Variants in PPFIA2 observed in about 807,000 individuals in gnomAD.
PPFIA2 encodes liprin-alpha-2.
PPFIA2 carries 46 observed loss-of-function variants against 175.5 expected under a neutral mutation model. The observed-to-expected ratio is 0.26, with a 90% CI of 0.21 to 0.34. The LOEUF is 0.34. PPFIA2 is among the 10% of genes least tolerant of loss of function. The pLI is 1.00. For synonymous variants in PPFIA2, 568 were observed against 511.4 expected, an observed-to-expected ratio of 1.11 and a Z score of -1.49; for missense variants, 1,179 against 1,506.1, an observed-to-expected ratio of 0.78 and a Z score of 3.60.
At chr12:81,555,717 T>C (rs943870361) in intron 4 of PPFIA2, among the ~76,000 whole-genome samples, 3 of 151,936 alleles carry the variant, frequency 2.0e-5, no homozygotes, top group Non-Finnish European at 4.4e-5. Flanking sequence ...AGTAAATTAA[T>C]AGAGTTGAGA....
intron 4 of PPFIA2, among the ~76,000 whole-genome samples, chr12:81,549,887 TA>T (rs2067612984): frequency 6.6e-6 from 1 of 151,970 alleles, no homozygotes; most frequent in Non-Finnish European, 1.5e-5. Context: ...TATATGAAGC[TA>T]TTTTTTTAAT....
At chr12:81,478,276 A>T (rs766573202) in intron 4 of PPFIA2, among the ~76,000 whole-genome samples, 2 of 151,152 alleles carry the variant, frequency 1.3e-5, no homozygotes, top group Non-Finnish European at 1.5e-5. Context: ...CATTTTTTTT[A>T]TTGTGTCTAT....
intron 8 of PPFIA2, among the ~76,000 whole-genome samples, chr12:81,394,782 G>A (rs2040802214): frequency 6.7e-6 from 1 of 150,092 alleles, no homozygotes; most frequent in South Asian, 2.1e-4. Flanking sequence ...TAACAAACCT[G>A]CATATTCTGC....
chr12:81,473,640 C>T (rs1167343714), intron 4 of PPFIA2, among the ~76,000 whole-genome samples: 7 of 152,128 alleles, frequency 4.6e-5, no homozygotes, highest in Non-Finnish European at 8.8e-5. Context: ...TACTTAATAA[C>T]CCAAACTGGC....
intron 3 of PPFIA2, among the ~76,000 whole-genome samples, chr12:81,699,387 G>A (rs1367338248): frequency 6.6e-6 from 1 of 151,596 alleles, no homozygotes; most frequent in Non-Finnish European, 1.5e-5. Flanking sequence ...TACAATTTTT[G>A]CAGAGATATT....
chr12:81,611,504 A>G (rs2060904895), intron 4 of PPFIA2, among the ~76,000 whole-genome samples: 1 of 152,094 alleles, frequency 6.6e-6, no homozygotes. Flanking sequence ...TGCTGTCTGG[A>G]AAGTACTCAT....
At position 81,367,096 on chromosome 12, in the gene PPFIA2, T is replaced by C. The variant is rs1474019366; in HGVS notation, c.1545+12A>G. The C allele has an allele frequency of 2.0e-6, 3 of 1,465,842 alleles. No individual in the cohort carries two copies. Among genetic ancestry groups the C allele is most frequent in the Non-Finnish European group, 2.7e-6 (3 of 1,104,014 alleles). 90.8% of individuals were successfully genotyped at this position (1,465,842 alleles called of 1,614,324 possible). On this transcript the variant is annotated intron_variant, in intron 14 of 32. Coordinates refer to ENST00000549396, the MANE Select transcript of PPFIA2 (RefSeq NM_003625.5). ...ATAGAAAATGGGCCCAAAACATAAG[T>C]TTCCATTATACCTTATCATGTAAAG...
chr12:81,349,550 T>C (rs1168823682), intron 17 of PPFIA2, among the ~76,000 whole-genome samples: 2 of 152,104 alleles, frequency 1.3e-5, no homozygotes, highest in Non-Finnish European at 2.9e-5. Flanking sequence ...AAGAAAAAAC[T>C]ATCTTCACCC....
intron 28 of PPFIA2, among the ~76,000 whole-genome samples, chr12:81,269,783 A>G (rs2038522065): frequency 2.6e-5 from 4 of 152,182 alleles, no homozygotes; most frequent in African/African-American, 9.7e-5. Flanking sequence ...GCTTTAGCAA[A>G]TAGCAGTGGC....
intron 22 of PPFIA2, among the ~76,000 whole-genome samples, chr12:81,303,996 T>A (rs1317261147): frequency 6.6e-6 from 1 of 152,214 alleles, no homozygotes; most frequent in East Asian, 1.9e-4. Context: ...CTAATTGGTA[T>A]ACGAGTAGAG....
chr12:81,552,155 A>C (rs1770123995), intron 4 of PPFIA2, among the ~76,000 whole-genome samples: 1 of 151,822 alleles, frequency 6.6e-6, no homozygotes, highest in South Asian at 2.1e-4. Context: ...TAATAACCAA[A>C]ATTATTGAAC....
At chr12:81,534,966 C>T (rs766315594) in intron 4 of PPFIA2, among the ~76,000 whole-genome samples, 2 of 151,646 alleles carry the variant, frequency 1.3e-5, no homozygotes, top group Non-Finnish European at 3.0e-5. Context: ...AGTACAGTCC[C>T]GGCAAGTTCT....
chr12:81,599,607 G>A (rs1227303202), intron 4 of PPFIA2, among the ~76,000 whole-genome samples: 1 of 151,864 alleles, frequency 6.6e-6, no homozygotes, highest in Non-Finnish European at 1.5e-5. Flanking sequence ...CATTAACTAT[G>A]GGACACTTGT....
At chr12:81,498,154 G>A (rs1567075655) in intron 4 of PPFIA2, among the ~76,000 whole-genome samples, 1 of 152,124 alleles carries the variant, frequency 6.6e-6, no homozygotes, top group African/African-American at 2.4e-5. Context: ...ATGTATAAAA[G>A]AGTTACAAAG....
chr12:81,579,866 A>T (rs1260173826), intron 4 of PPFIA2, among the ~76,000 whole-genome samples: 1 of 151,824 alleles, frequency 6.6e-6, no homozygotes, highest in Non-Finnish European at 1.5e-5. Flanking sequence ...TAAAAATGCT[A>T]ATTCATTTTC....
At chr12:81,570,504 G>A (rs1158985109) in intron 4 of PPFIA2, among the ~76,000 whole-genome samples, 4 of 151,970 alleles carry the variant, frequency 2.6e-5, no homozygotes, top group Admixed American at 6.6e-5. Context: ...GCCAAGAGAA[G>A]TATAATATAC....
intron 4 of PPFIA2, chr12:81,512,254 C>A (rs1333692063): frequency 8.1e-7 from 1 of 1,228,438 alleles, no homozygotes; most frequent in Non-Finnish European, 1.1e-6. Context: ...ATTACAAAAT[C>A]TAAACACCTC....
intron 4 of PPFIA2, among the ~76,000 whole-genome samples, chr12:81,501,982 T>C (rs185793753): frequency 6.6e-6 from 1 of 152,254 alleles, no homozygotes; most frequent in East Asian, 1.9e-4. Flanking sequence ...AAATAGGGCA[T>C]TTTCTCTCAG....
At chr12:81,613,066 T>C (rs2061091601) in intron 4 of PPFIA2, among the ~76,000 whole-genome samples, 1 of 152,208 alleles carries the variant, frequency 6.6e-6, no homozygotes, top group Non-Finnish European at 1.5e-5. Context: ...GACAGACATG[T>C]TAGTTGATTA....
Sources: allele counts gnomAD v4.1 joint callset (sites outside exome capture counted in the v4.1 genomes callset), GRCh38; gene constraint gnomAD v4.1.1; transcripts MANE v1.5; gene names NCBI Gene and HGNC (gene_info 2026-07-23, HGNC 2026-07-21).